The following KCNIP4 variants were observed in gnomAD, a reference collection of about 807,000 sequenced individuals.
KCNIP4 encodes the protein Kv channel-interacting protein 4.
In KCNIP4, 12 loss-of-function variants were observed where a neutral mutation model predicts 34.0. The observed-to-expected ratio is 0.35, with a 90% CI of 0.23 to 0.57. The LOEUF (loss-of-function observed/expected upper bound fraction) is 0.57. Among genes scored for constraint, KCNIP4 ranks in the 20% least tolerant of loss-of-function variants. KCNIP4 has a pLI of 0.83. For missense variants in KCNIP4, 238 were observed against 311.7 expected (o/e 0.76, Z 1.78); for synonymous variants, 124 against 102.2 (o/e 1.21, Z -1.29).
At chr4:21,836,586 C>T (rs1194236548) in intron 1 of KCNIP4, among the ~76,000 whole-genome samples, 3 of 152,108 alleles carry the variant, frequency 2.0e-5, no homozygotes, top group African/African-American at 7.2e-5. Flanking sequence ...AACTAGTTCT[C>T]TAATATGTTG....
chr4:21,634,795 C>T (rs1283823847), intron 1 of KCNIP4, among the ~76,000 whole-genome samples: 1 of 152,086 alleles, frequency 6.6e-6, no homozygotes, highest in Non-Finnish European at 1.5e-5. Flanking sequence ...TGGTAAAGAC[C>T]TGGTTTGCCA....
At chr4:21,499,343 A>C (rs1188913143) in intron 1 of KCNIP4, among the ~76,000 whole-genome samples, 2 of 151,722 alleles carry the variant, frequency 1.3e-5, no homozygotes, top group East Asian at 1.9e-4. Flanking sequence ...AAAAAAAAAA[A>C]AAACAACTAC....
chr4:20,842,578 TG>T (rs1380368309), intron 3 of KCNIP4, among the ~76,000 whole-genome samples: 1 of 84,318 alleles, frequency 1.2e-5, no homozygotes, highest in Non-Finnish European at 2.1e-5. Flanking sequence ...TCTCTTCTAA[TG>T]GCAAAAAAAA....
In KCNIP4 at chr4:21,484,619, G is replaced by A. The variant is rs183007290; in HGVS notation, c.61+463952C>T. Reference sequence around the variant, plus strand: ...GGTTGTTTGGTCGGGGGTCATTCCCGCAGCCTTTGATGCTACAGAAATGCC... The same window carrying A: ...GGTTGTTTGGTCGGGGGTCATTCCCACAGCCTTTGATGCTACAGAAATGCC... On this transcript the variant is annotated intron_variant, in intron 1 of 8. Transcript: ENST00000382152. Among the ~76,000 whole-genome samples the A allele has an allele frequency of 2.0e-3, 302 of 152,126 alleles. 13 individuals are homozygous for A. Among genetic ancestry groups the A allele is most frequent in the Non-Finnish European group, 6.2e-4 (42 of 68,004 alleles).
chr4:21,158,814 T>C (rs530636928), intron 1 of KCNIP4, among the ~76,000 whole-genome samples: 1 of 152,204 alleles, frequency 6.6e-6, no homozygotes, highest in South Asian at 2.1e-4. Context: ...AAATACAGTA[T>C]TGAGCATGAA....
chr4:21,796,602 C>T (rs6827460), intron 1 of KCNIP4, among the ~76,000 whole-genome samples: 16,001 of 152,160 alleles, frequency 0.11, 2,876 homozygotes, highest in African/African-American at 0.37. Context: ...AAAGCGTTCA[C>T]CTAATCTTAA....
rs544415362 is a variant in KCNIP4 at position 20,976,201 on chromosome 4, G to A, written c.62-93492C>T. ...CCTGGACCAGCAGCATGATCCTCAA[G>A]TAAGAACCCATTAGAAATGTGAATT... On this transcript the variant is annotated intron_variant, in intron 1 of 8. Coordinates refer to ENST00000382152, the MANE Select transcript of KCNIP4 (RefSeq NM_025221.6). Among the ~76,000 whole-genome samples, 10 of 152,220 alleles carry A rather than the reference G, an allele frequency of 6.6e-5. No homozygotes were observed. The South Asian group carries it at 2.1e-3, about 32-fold the overall frequency.
chr4:21,671,183 G>A (rs1414431713), intron 1 of KCNIP4, among the ~76,000 whole-genome samples: 1 of 151,958 alleles, frequency 6.6e-6, no homozygotes, highest in Non-Finnish European at 1.5e-5. Context: ...ACCTAAAAAT[G>A]TGTCACTAAA....
chr4:21,256,564 A>C (rs955890675), intron 1 of KCNIP4, among the ~76,000 whole-genome samples: 8 of 152,110 alleles, frequency 5.3e-5, no homozygotes, highest in Non-Finnish European at 1.2e-4. Flanking sequence ...ATGCCATTGC[A>C]CTTCAGCCTG....
chr4:21,144,306 TA>T, intron 1 of KCNIP4, among the ~76,000 whole-genome samples: 1 of 152,340 alleles, frequency 6.6e-6, no homozygotes, highest in East Asian at 1.9e-4. Context: ...TTGATGTACT[TA>T]TTTTATATCT....
chr4:20,998,018 T>A (rs769574427), intron 1 of KCNIP4, among the ~76,000 whole-genome samples: 2 of 152,176 alleles, frequency 1.3e-5, no homozygotes, highest in African/African-American at 2.4e-5. Context: ...TGTGGAGCTA[T>A]GCCTTGGGAA....
chr4:20,739,938 C>G (rs1259279058), intron 5 of KCNIP4, among the ~76,000 whole-genome samples: 1 of 152,234 alleles, frequency 6.6e-6, no homozygotes, highest in African/African-American at 2.4e-5. Flanking sequence ...CAAGAACTAT[C>G]TGATGCATTC....
chr4:21,103,980 A>C (rs1748228153), intron 1 of KCNIP4, among the ~76,000 whole-genome samples: 1 of 151,894 alleles, frequency 6.6e-6, no homozygotes, highest in Non-Finnish European at 1.5e-5. Flanking sequence ...AATCCAGTCT[A>C]TCATTGTTGG....
intron 1 of KCNIP4, among the ~76,000 whole-genome samples, chr4:21,489,638 A>G (rs140458399): frequency 6.6e-6 from 1 of 152,250 alleles, no homozygotes; most frequent in African/African-American, 2.4e-5. Context: ...TGATGCATCA[A>G]TAATACATTT....
intron 1 of KCNIP4, among the ~76,000 whole-genome samples, chr4:21,140,336 A>G (rs1261958527): frequency 6.6e-6 from 1 of 152,164 alleles, no homozygotes; most frequent in Non-Finnish European, 1.5e-5. Context: ...TCATTCATGT[A>G]AACTTCTTAG....
At chr4:20,748,117 C>A (rs2149331189) in intron 5 of KCNIP4, among the ~76,000 whole-genome samples, 1 of 152,216 alleles carries the variant, frequency 6.6e-6, no homozygotes, top group East Asian at 1.9e-4. Flanking sequence ...AAATTCACAT[C>A]CCTGCCAAAA....
intron 1 of KCNIP4, among the ~76,000 whole-genome samples, chr4:21,435,494 T>C (rs1219084399): frequency 1.3e-5 from 2 of 152,152 alleles, no homozygotes; most frequent in Non-Finnish European, 2.9e-5. Context: ...TTGGGCTTGA[T>C]TGGAATCATG....
intron 1 of KCNIP4, among the ~76,000 whole-genome samples, chr4:21,365,478 AAAATAAATAAAT>A (rs3048729): frequency 1.1e-4 from 15 of 132,070 alleles, no homozygotes; most frequent in East Asian, 4.3e-4. Context: ...ACTGTCTCAA[AAAATAAATAAAT>A]AAATAAATAA....
intron 1 of KCNIP4, among the ~76,000 whole-genome samples, chr4:21,765,061 ACAC>A (rs890529346): frequency 1.3e-5 from 2 of 152,092 alleles, no homozygotes; most frequent in African/African-American, 4.8e-5. Flanking sequence ...CAGGGAGTAT[ACAC>A]TGTGGCTACA....
Sources: allele counts gnomAD v4.1 joint callset (sites outside exome capture counted in the v4.1 genomes callset), GRCh38; gene constraint gnomAD v4.1.1; transcripts MANE v1.5; gene names NCBI Gene and HGNC (gene_info 2026-07-23, HGNC 2026-07-21).